Variants in TWIST2 observed in about 807,000 individuals in gnomAD.
TWIST2 encodes twist-related protein 2.
In TWIST2, 1 loss-of-function variant was observed where a neutral mutation model predicts 11.6. That is an observed-to-expected ratio of 0.09 (90% CI 0.03 to 0.41). TWIST2 has a LOEUF of 0.41. TWIST2 is among the 10% of genes least tolerant of loss of function. TWIST2 has a pLI of 0.98. For missense variants in TWIST2, 168 were observed against 226.4 expected (o/e 0.74, Z 1.66); for synonymous variants, 87 against 96.6 (o/e 0.90, Z 0.58).
chr2:238,901,503 G>T (rs1693268393), intron 1 of TWIST2, among the ~76,000 whole-genome samples: 2 of 152,202 alleles, frequency 1.3e-5, no homozygotes, highest in African/African-American at 4.8e-5. Context: ...CTGGATCCCT[G>T]TGCGGAGGCC....
At chr2:238,852,038 C>T (rs1692250190) in intron 1 of TWIST2, among the ~76,000 whole-genome samples, 1 of 152,124 alleles carries the variant, frequency 6.6e-6, no homozygotes, top group Admixed American at 6.5e-5. Context: ...TATTTTCATA[C>T]AGATCTTGAG....
chr2:238,904,694 T>G (rs1693320626), intron 1 of TWIST2, among the ~76,000 whole-genome samples: 1 of 152,130 alleles, frequency 6.6e-6, no homozygotes, highest in Non-Finnish European at 1.5e-5. Flanking sequence ...TAGATTTCTC[T>G]GATCCATCTC....
At chr2:238,889,633 C>A (rs1693097453) in intron 1 of TWIST2, among the ~76,000 whole-genome samples, 1 of 152,120 alleles carries the variant, frequency 6.6e-6, no homozygotes, top group Non-Finnish European at 1.5e-5. Context: ...GTATTTATTC[C>A]TTCATAGTTA....
chr2:238,900,606 C>T lies in TWIST2; in HGVS notation c.*36-9236C>T, dbSNP rs977889068. 1.1e-3 allele frequency among the ~76,000 whole-genome samples: 170 copies of T among 152,324 alleles called. No homozygotes were observed. The East Asian group carries it at 0.029, about 26-fold the overall frequency. Reference sequence around the variant, plus strand: ...CTGAGCGGTGCACATTCTGCAGCTGCATTGCTTCTCTCGCTCTCCCGCATG... The same window carrying T: ...CTGAGCGGTGCACATTCTGCAGCTGTATTGCTTCTCTCGCTCTCCCGCATG... On this transcript the variant is annotated intron_variant, in intron 1 of 1. Transcript: ENST00000612363.
At chr2:238,862,761 T>C (rs905495108) in intron 1 of TWIST2, among the ~76,000 whole-genome samples, 5 of 152,234 alleles carry the variant, frequency 3.3e-5, no homozygotes, top group Non-Finnish European at 7.3e-5. Flanking sequence ...ATCAGCTTCA[T>C]TAATATTGGC....
chr2:238,905,900 T>G (rs1169972116), intron 1 of TWIST2, among the ~76,000 whole-genome samples: 1 of 119,852 alleles, frequency 8.3e-6, no homozygotes, highest in Non-Finnish European at 1.7e-5. Flanking sequence ...CATGCGCGTG[T>G]GTGCGTGTGT....
At chr2:238,881,104 ATTAGTG>A (rs1481144718) in intron 1 of TWIST2, among the ~76,000 whole-genome samples, 1 of 86,966 alleles carries the variant, frequency 1.1e-5, no homozygotes, top group African/African-American at 4.6e-5. Context: ...TAGTATTGGT[ATTAGTG>A]TTAGTGTTAG....
At chr2:238,900,586 C>T (rs1020307889) in intron 1 of TWIST2, among the ~76,000 whole-genome samples, 5 of 152,212 alleles carry the variant, frequency 3.3e-5, no homozygotes, top group East Asian at 1.9e-4. Context: ...AGCTGCTGAG[C>T]GGTGCACATT....
chr2:238,860,864 G>A (rs1692419957), intron 1 of TWIST2, among the ~76,000 whole-genome samples: 1 of 152,184 alleles, frequency 6.6e-6, no homozygotes, highest in Non-Finnish European at 1.5e-5. Context: ...CTTGAACCTG[G>A]GAGGTGGAGG....
At chr2:238,861,828 A>G (rs1468377280) in intron 1 of TWIST2, among the ~76,000 whole-genome samples, 1 of 152,188 alleles carries the variant, frequency 6.6e-6, no homozygotes, top group Non-Finnish European at 1.5e-5. Flanking sequence ...TAAATTGCAC[A>G]CCATTCTGAG....
chr2:238,854,045 G>A (rs531548736), intron 1 of TWIST2, among the ~76,000 whole-genome samples: 5 of 152,294 alleles, frequency 3.3e-5, no homozygotes, highest in African/African-American at 9.6e-5. Context: ...AGCTTCTGTC[G>A]AAGCCTCATG....
rs890557487 is a variant in TWIST2 at position 238,905,356 on chromosome 2, A to G, written c.*36-4486A>G. On this transcript the variant is annotated intron_variant, in intron 1 of 1. Coordinates refer to ENST00000612363, the MANE Select transcript of TWIST2 (RefSeq NM_001271893.4). ...ACGCAGCACGCATGCACACAGTTCC[A>G]GGTGGCCTGTGTATGCAGGAGGCGC... 3.3e-5 allele frequency among the ~76,000 whole-genome samples: 5 copies of G among 152,328 alleles called. No homozygotes were observed. The South Asian group carries it at 1.0e-3, about 32-fold the overall frequency.
At chr2:238,891,623 A>C (rs867864428) in intron 1 of TWIST2, among the ~76,000 whole-genome samples, 12 of 152,002 alleles carry the variant, frequency 7.9e-5, no homozygotes, top group Admixed American at 5.2e-4. Context: ...CCCCAGGAGG[A>C]GGCCGAGGTC....
intron 1 of TWIST2, among the ~76,000 whole-genome samples, chr2:238,897,270 G>A (rs942069208): frequency 5.3e-5 from 8 of 152,148 alleles, no homozygotes; most frequent in Non-Finnish European, 1.2e-4. Flanking sequence ...AGCGGGGATG[G>A]TAAGCTTTTG....
rs1446736435 is a variant in TWIST2 at position 238,848,306 on chromosome 2, C to T, written c.91C>T (p.Arg31Trp). Residue 31 changes from arginine to tryptophan, a missense_variant, in exon 1 of 2, where the codon CGG becomes TGG. By Grantham distance (101) the Arg-to-Trp change is moderately radical. Coordinates refer to ENST00000612363, the MANE Select transcript of TWIST2 (RefSeq NM_001271893.4). ...CGAGAGGCAGCCCAAGCGCTTCGGC[C>T]GGAAGCGGCGCTACAGCAAGAAGTC... ...ELERQPKRFG[R>W]KRRYSKKSSE... 7 of 1,533,860 alleles carry T rather than the reference C, an allele frequency of 4.6e-6. No homozygotes were observed. In the South Asian group the frequency reaches 7.1e-5, roughly 16 times the overall value.
chr2:238,893,179 T>C (rs1266350807), intron 1 of TWIST2, among the ~76,000 whole-genome samples: 2 of 152,182 alleles, frequency 1.3e-5, no homozygotes, highest in Non-Finnish European at 2.9e-5. Flanking sequence ...TGCATTCTTC[T>C]GAATATAGGT....
rs1233209316 is a variant in TWIST2, at chr2:238,909,830, C to G, written c.*36-12C>G. 3 of 152,264 alleles carry G rather than the reference C, an allele frequency of 2.0e-5. No individual in the cohort carries two copies. The highest frequency in any genetic ancestry group is 2.0e-4 in the Admixed American group (3 of 15,286). 9.4% of individuals were successfully genotyped at this position (152,264 alleles called of 1,614,324 possible). On this transcript the variant is annotated splice_polypyrimidine_tract_variant and intron_variant, in intron 1 of 1. Coordinates refer to ENST00000612363, the MANE Select transcript of TWIST2 (RefSeq NM_001271893.4). ...CGGCCGTAGCTCACGGTCCCCCTTC[C>G]GTATCTTCCAGGCTGTCCGTCGCGT...
intron 1 of TWIST2, among the ~76,000 whole-genome samples, chr2:238,873,155 CA>C (rs2106360870): frequency 6.6e-6 from 1 of 152,224 alleles, no homozygotes; most frequent in South Asian, 2.1e-4. Flanking sequence ...GAGGCCAGAC[CA>C]AGGGGTGGCA....
chr2:238,882,664 A>G (rs1186465350), intron 1 of TWIST2, among the ~76,000 whole-genome samples: 1 of 152,182 alleles, frequency 6.6e-6, no homozygotes, highest in Non-Finnish European at 1.5e-5. Flanking sequence ...CTGTAAAAAC[A>G]CTTAAATTCA....
Sources: allele counts gnomAD v4.1 joint callset (sites outside exome capture counted in the v4.1 genomes callset), GRCh38; gene constraint gnomAD v4.1.1; transcripts MANE v1.5; gene names NCBI Gene and HGNC (gene_info 2026-07-23, HGNC 2026-07-21).